AFAP1L2: variants seen among roughly 807,000 people sequenced by gnomAD.
AFAP1L2 encodes actin filament associated protein 1 like 2, also known as actin filament-associated protein 1-like 2.
A neutral mutation model predicts 99.3 loss-of-function variants in AFAP1L2; 46 were observed. That is an observed-to-expected ratio of 0.46 (90% confidence interval 0.37 to 0.59). AFAP1L2 has a LOEUF of 0.59. Among genes scored for constraint, AFAP1L2 ranks in the 20% least tolerant of loss-of-function variants. The pLI, the probability that AFAP1L2 is intolerant of heterozygous loss-of-function variation, is 0.00. For synonymous variants in AFAP1L2, 397 were observed against 419.1 expected, an observed-to-expected ratio of 0.95 and a Z score of 0.64; for missense variants, 959 against 1,034.9, an observed-to-expected ratio of 0.93 and a Z score of 1.01.
chr10:114,346,097 G>T (rs2049519909), intron 1 of AFAP1L2, among the ~76,000 whole-genome samples: 1 of 152,186 alleles, frequency 6.6e-6, no homozygotes, highest in Non-Finnish European at 1.5e-5. Flanking sequence ...TTCTCTTCTA[G>T]GCTGTGGCAG....
chr10:114,361,700 C>T (rs562925760), intron 1 of AFAP1L2, among the ~76,000 whole-genome samples: 14 of 152,316 alleles, frequency 9.2e-5, no homozygotes, highest in East Asian at 1.9e-4. Context: ...GTGCTTCCCA[C>T]GGCTTCATTT....
chr10:114,317,539 A>G (rs1454397427), intron 5 of AFAP1L2, among the ~76,000 whole-genome samples: 2 of 152,178 alleles, frequency 1.3e-5, no homozygotes, highest in Non-Finnish European at 2.9e-5. Flanking sequence ...CAGTCCTGGT[A>G]TTTTATCCTA....
intron 4 of AFAP1L2, chr10:114,325,773 G>T: frequency 9.5e-7 from 1 of 1,047,222 alleles, no homozygotes; most frequent in Non-Finnish European, 1.2e-6. Context: ...GCCTTTCCTG[G>T]TCCCCCTGGT....
intron 1 of AFAP1L2, among the ~76,000 whole-genome samples, chr10:114,380,397 C>T (rs1347056940): frequency 3.9e-5 from 6 of 152,206 alleles, no homozygotes; most frequent in African/African-American, 1.4e-4. Context: ...AAAACTCTAC[C>T]TTTCCTCATA....
At position 114,300,246 on chromosome 10, in the gene AFAP1L2, G is replaced by C. The variant is rs144048981; in HGVS notation, c.1905C>G (p.Thr635=). The C allele has an allele frequency of 4.6e-3, 7,431 of 1,614,124 alleles. 28 individuals carry two copies. Among genetic ancestry groups the C allele is most frequent in the Middle Eastern group, 7.1e-3 (43 of 6,062 alleles). Residue 635 remains threonine (T), a synonymous_variant, in exon 15 of 19, where the codon ACC becomes ACG. Coordinates refer to ENST00000304129, the MANE Select transcript of AFAP1L2 (RefSeq NM_001001936.3). ...TCACAGGTGGGCTGGCACCAGGTGG[G>C]GTGGCCACCACGGCATCCGGGCAGC... The part of the protein sequence containing the change: ...PPSCPDAVVA[T]PPGASPPVKD...
At chr10:114,322,218 G>T (rs1259394611) in intron 5 of AFAP1L2, among the ~76,000 whole-genome samples, 3 of 152,166 alleles carry the variant, frequency 2.0e-5, no homozygotes, top group African/African-American at 7.2e-5. Context: ...CAGTTACCTA[G>T]TCTCGGGCGT....
intron 1 of AFAP1L2, among the ~76,000 whole-genome samples, chr10:114,384,778 T>C (rs1280172193): frequency 3.9e-5 from 6 of 152,140 alleles, no homozygotes; most frequent in African/African-American, 9.7e-5. Context: ...GGACCACGCC[T>C]CACCTCCTGT....
chr10:114,331,845 CGAG>C lies in AFAP1L2; in HGVS notation c.270_272del (p.Ser91del). On this transcript the variant is annotated inframe_deletion, in exon 4 of 19. Coordinates refer to ENST00000304129, the MANE Select transcript of AFAP1L2 (RefSeq NM_001001936.3). ...GGTCTGGAAGGCTCTTCTGAGGGGCCGAGGAGTGCTGGCTGGGCTCCCCATTGG... is the reference window on the plus strand; with the variant it reads ...GGTCTGGAAGGCTCTTCTGAGGGGCCGAGTGCTGGCTGGGCTCCCCATTGG... 7.2e-7 allele frequency: 1 copy of C among 1,393,340 alleles called. No homozygotes were observed. The highest frequency in any genetic ancestry group is 9.4e-7 in the Non-Finnish European group (1 of 1,064,788). 86.3% of individuals were successfully genotyped at this position (1,393,340 alleles called of 1,614,324 possible). A position where few individuals can be genotyped will look rare whatever the true frequency, so the allele number is the denominator to read the frequency against.
the AFAP1L2 span, chr10:114,289,408 C>G: frequency 6.2e-7 from 1 of 1,614,194 alleles, no homozygotes; most frequent in East Asian, 2.2e-5. Flanking sequence ...GCTTGCAGGT[C>G]CCCGGGATTC....
rs1354808507 is a variant in AFAP1L2, at chr10:114,299,250, G to A, written c.2113+10C>T. Reference sequence around the variant, plus strand: ...AGCTGAGGGTCCCTCCCCACTGGGGGCCCCCTTACCTGTGCATTTCAGTAG... The same window carrying A: ...AGCTGAGGGTCCCTCCCCACTGGGGACCCCCTTACCTGTGCATTTCAGTAG... On this transcript the variant is annotated intron_variant, in intron 16 of 18. Coordinates refer to ENST00000304129, the MANE Select transcript of AFAP1L2 (RefSeq NM_001001936.3). The A allele has an allele frequency of 2.5e-6, 4 of 1,613,740 alleles. No homozygotes were observed. Among genetic ancestry groups the A allele is most frequent in the Admixed American group, 3.3e-5 (2 of 59,920 alleles).
At chr10:114,346,681 G>A (rs772268327) in intron 1 of AFAP1L2, among the ~76,000 whole-genome samples, 2 of 152,210 alleles carry the variant, frequency 1.3e-5, no homozygotes, top group African/African-American at 2.4e-5. Context: ...CCTGTGGAGC[G>A]AGGGAGAAAT....
chr10:114,379,162 G>A (rs1047502227), intron 1 of AFAP1L2, among the ~76,000 whole-genome samples: 3 of 151,774 alleles, frequency 2.0e-5, no homozygotes, highest in East Asian at 1.9e-4. Flanking sequence ...GTAGTGAGCC[G>A]TGATCGCACC....
At chr10:114,291,415 C>G, downstream of AFAP1L2, 1 of 688,120 alleles carries the variant, frequency 1.5e-6, no homozygotes, top group South Asian at 2.0e-5. Context: ...GATGTCCCAA[C>G]TGCAGCCATG....
At chr10:114,360,776 T>C (rs2052280677) in intron 1 of AFAP1L2, among the ~76,000 whole-genome samples, 1 of 152,170 alleles carries the variant, frequency 6.6e-6, no homozygotes, top group Non-Finnish European at 1.5e-5. Context: ...ATCTCCCAAA[T>C]TTATTCCAAT....
At chr10:114,314,445 A>T (rs1030123309) in intron 6 of AFAP1L2, among the ~76,000 whole-genome samples, 4 of 152,198 alleles carry the variant, frequency 2.6e-5, no homozygotes, top group African/African-American at 9.7e-5. Context: ...TGGCTTCTGG[A>T]GTAAAGGATC....
intron 12 of AFAP1L2, chr10:114,302,132 G>A: frequency 1.4e-6 from 1 of 703,106 alleles, no homozygotes; most frequent in East Asian, 2.8e-5. Flanking sequence ...GGGGCCCGAA[G>A]CCTGGCTCGG....
At chr10:114,368,788 AC>A (rs1802498730) in intron 1 of AFAP1L2, among the ~76,000 whole-genome samples, 4 of 151,172 alleles carry the variant, frequency 2.6e-5, no homozygotes, top group Non-Finnish European at 5.9e-5. Context: ...ACACACACAC[AC>A]ACACACACAC....
the AFAP1L2 span, chr10:114,286,492 G>A: frequency 1.3e-6 from 2 of 1,579,724 alleles, no homozygotes; most frequent in South Asian, 2.3e-5. Context: ...AGGGGAAGCT[G>A]TGCAGCCGGC....
At chr10:114,384,377 C>A (rs777457586) in intron 1 of AFAP1L2, among the ~76,000 whole-genome samples, 6 of 150,802 alleles carry the variant, frequency 4.0e-5, no homozygotes, top group Non-Finnish European at 8.9e-5. Context: ...CTGCTGCAGG[C>A]TCTCTGAGAA....
Sources: allele counts gnomAD v4.1 joint callset (sites outside exome capture counted in the v4.1 genomes callset), GRCh38; gene constraint gnomAD v4.1.1; transcripts MANE v1.5; gene names NCBI Gene and HGNC (gene_info 2026-07-23, HGNC 2026-07-21).